TBCK: variants seen among roughly 807,000 people sequenced by gnomAD.
TBCK encodes TBC domain-containing protein kinase-like protein.
Under a neutral mutation model 113.4 loss-of-function variants are expected in TBCK, and 99 were observed. That is an observed-to-expected ratio of 0.87 (90% confidence interval 0.74 to 1.03). The LOEUF is 1.03. Ranked by LOEUF, TBCK falls within the 50% of genes least tolerant of loss-of-function variation. The pLI is 0.00. For synonymous variants in TBCK, 369 were observed against 370.8 expected (o/e 1.00, Z 0.05); for missense variants, 1,045 against 1,061.3 (o/e 0.98, Z 0.21).
intron 11 of TBCK, among the ~76,000 whole-genome samples, chr4:106,242,840 T>G (rs1222257109): frequency 6.6e-6 from 1 of 150,424 alleles, no homozygotes; most frequent in Non-Finnish European, 1.5e-5. Flanking sequence ...ATTAGGTATA[T>G]CTCCTAAAGC....
intron 23 of TBCK, among the ~76,000 whole-genome samples, chr4:106,145,496 T>G (rs1425787464): frequency 1.3e-5 from 2 of 152,310 alleles, no homozygotes; most frequent in Non-Finnish European, 2.9e-5. Flanking sequence ...CTTGGAGATA[T>G]GGAGGGTTCA....
At chr4:106,182,664 T>C (rs1030841960) in intron 22 of TBCK, 5 of 151,920 alleles carry the variant, frequency 3.3e-5, no homozygotes, top group Non-Finnish European at 5.9e-5. Context: ...TTATAATGTC[T>C]TATGACATCG....
intron 23 of TBCK, among the ~76,000 whole-genome samples, chr4:106,120,625 C>G (rs1321941942): frequency 2.6e-5 from 4 of 152,320 alleles, no homozygotes; most frequent in South Asian, 2.1e-4. Context: ...ATCTGAGAAC[C>G]AGCAGACTGT....
At chr4:106,135,484 A>T (rs1746450357) in intron 23 of TBCK, among the ~76,000 whole-genome samples, 1 of 97,524 alleles carries the variant, frequency 1.0e-5, no homozygotes, top group Non-Finnish European at 2.6e-5. Flanking sequence ...CCATGTATGG[A>T]ACCAAAGGTG....
chr4:106,093,576 C>T (rs1370162255), intron 25 of TBCK, among the ~76,000 whole-genome samples: 2 of 152,124 alleles, frequency 1.3e-5, no homozygotes, highest in African/African-American at 2.4e-5. Context: ...TTGTTGGATG[C>T]TTAAAATGGT....
intron 23 of TBCK, among the ~76,000 whole-genome samples, chr4:106,138,080 A>G (rs1579019316): frequency 1.4e-5 from 2 of 141,592 alleles, no homozygotes; most frequent in East Asian, 4.0e-4. Context: ...CAAAGATGGC[A>G]TATATACTTA....
At chr4:106,269,926 G>A (rs907774193) in intron 3 of TBCK, among the ~76,000 whole-genome samples, 4 of 152,218 alleles carry the variant, frequency 2.6e-5, no homozygotes, top group Middle Eastern at 3.4e-3. Context: ...AAAGCCAGGA[G>A]GCTCTGTCAC....
chr4:106,175,960 C>G (rs1751615183), intron 22 of TBCK, among the ~76,000 whole-genome samples: 2 of 152,032 alleles, frequency 1.3e-5, no homozygotes, highest in African/African-American at 4.8e-5. Context: ...TGACTAGGGT[C>G]CAAACTTTGC....
At position 106,298,662 on chromosome 4, in the gene TBCK, G is replaced by T. The variant is rs114899199; in HGVS notation, c.194-3496C>A. 1.5e-3 allele frequency among the ~76,000 whole-genome samples: 231 copies of T among 152,110 alleles called. 1 individual carries two copies. Among genetic ancestry groups the T allele is most frequent in the African/African-American group, 5.4e-3 (225 of 41,502 alleles). ...AAGTGCTTCCTTCAAGTGAAAAGGT[G>T]AAAGTTCTCGACTTGATAAGGAAAG... On this transcript the variant is annotated intron_variant, in intron 2 of 25. Transcript: ENST00000394708.
At chr4:106,231,624 G>A (rs898403832) in intron 18 of TBCK, 105 bp downstream of exon 18, 9 of 933,496 alleles carry the variant, frequency 9.6e-6, no homozygotes, top group Non-Finnish European at 1.5e-5. Flanking sequence ...AAATCTACCA[G>A]GGAGAGAATA....
chr4:106,295,434 G>C lies in TBCK; in HGVS notation c.194-268C>G, dbSNP rs903234165. 5.9e-5 allele frequency among the ~76,000 whole-genome samples: 9 copies of C among 151,866 alleles called. 2 individuals carry two copies. The highest frequency in any genetic ancestry group is 5.9e-4 in the Admixed American group (9 of 15,258). The stretch of plus-strand genomic sequence containing the variant: ...AAAAATAGGTGGAAAGACTGTCCTT[G>C]GGGAAAAAAATAACTCACCCTTCTT... On this transcript the variant is annotated intron_variant, in intron 2 of 25. Coordinates refer to ENST00000394708, the MANE Select transcript of TBCK (RefSeq NM_001163435.3).
In TBCK at chr4:106,046,013, A is replaced by G. The variant is rs1267371416; in HGVS notation, c.*557T>C. On this transcript the variant is annotated 3_prime_UTR_variant, in exon 26 of 26. Coordinates refer to ENST00000394708, the MANE Select transcript of TBCK (RefSeq NM_001163435.3). ...AAATTTCATTTTTCTGGGAGTAAGTATTACCACTTTCTGCAATGGGATAAA... is the reference window on the plus strand; with the variant it reads ...AAATTTCATTTTTCTGGGAGTAAGTGTTACCACTTTCTGCAATGGGATAAA... 1 of 152,164 alleles carries G rather than the reference A, an allele frequency of 6.6e-6. No homozygotes were observed. The highest frequency in any genetic ancestry group is 2.4e-5 in the African/African-American group (1 of 41,394). 9.4% of individuals were successfully genotyped at this position (152,164 alleles called of 1,614,324 possible). A position where few individuals can be genotyped will look rare whatever the true frequency, so the allele number is the denominator to read the frequency against.
At position 106,233,039 on chromosome 4, in the gene TBCK, T is replaced by A. The variant is rs1759044725; in HGVS notation, c.1538A>T (p.His513Leu). 6.2e-7 allele frequency: 1 copy of A among 1,611,858 alleles called. No homozygotes were observed. Among genetic ancestry groups the A allele is most frequent in the Non-Finnish European group, 8.5e-7 (1 of 1,178,554 alleles). ...RQIEVDIPRC[H>L]QYDELLSSPE... is the part of the protein sequence containing the mutation. ...TGATGATAACAGTTCATCGTACTGA[T>A]GACAGCGAGGAATATCCACTTCAAT... is the stretch of plus-strand genomic sequence containing the variant. The change falls in exon 17 of 26, where the codon CAT (histidine) becomes CTT (leucine). Residue 513 changes from histidine to leucine, a missense_variant. Physicochemically the swap from His to Leu is moderately conservative, Grantham distance 99. Coordinates refer to ENST00000394708, the MANE Select transcript of TBCK (RefSeq NM_001163435.3).
chr4:106,070,232 A>C (rs1737227205), intron 25 of TBCK, among the ~76,000 whole-genome samples: 1 of 152,150 alleles, frequency 6.6e-6, no homozygotes, highest in Non-Finnish European at 1.5e-5. Flanking sequence ...TTTCAAAGGG[A>C]AGGCTTCCAG....
Position 106,308,891 on chromosome 4 carries a change from A to G in TBCK, c.70T>C (p.Cys24Arg). 1 of 1,614,186 alleles carries G rather than the reference A, an allele frequency of 6.2e-7. No individual in the cohort carries two copies. The highest frequency in any genetic ancestry group is 8.5e-7 in the Non-Finnish European group (1 of 1,180,020). Residue 24 changes from cysteine (C) to arginine (R), a missense_variant, in exon 2 of 26, where the codon TGT (cysteine) becomes CGT (arginine). Cys to Arg is a radical substitution (Grantham distance 180, BLOSUM62 -3). Transcript: ENST00000394708. ...FFASALPHDVCGSNGLPLTPN... is the reference protein window; with the variant it reads ...FFASALPHDVRGSNGLPLTPN... Reference sequence around the variant, plus strand: ...GTGAGAGGAAGTCCATTGCTTCCACAAACATCATGTGGCAGAGCCGAGGCA... The same window carrying G: ...GTGAGAGGAAGTCCATTGCTTCCACGAACATCATGTGGCAGAGCCGAGGCA...
At chr4:106,248,621 G>A (rs894375113) in intron 8 of TBCK, among the ~76,000 whole-genome samples, 15 of 152,094 alleles carry the variant, frequency 9.9e-5, no homozygotes, top group Non-Finnish European at 2.1e-4. Context: ...TAAGAGGTGA[G>A]GCCTTTAAGA....
At chr4:106,299,604 C>T (rs1766705020) in intron 2 of TBCK, among the ~76,000 whole-genome samples, 3 of 152,132 alleles carry the variant, frequency 2.0e-5, no homozygotes, top group Admixed American at 2.0e-4. Context: ...AAGTTTCTCC[C>T]AGAGATAATG....
In TBCK at chr4:106,308,763, C is replaced by T; in HGVS notation, c.193+5G>A. Reference sequence around the variant, plus strand: ...ATAAATAGGAAAAAAAAGAAAATAACTTACCATGCTTTCCCCTAGAAATAT... The same window carrying T: ...ATAAATAGGAAAAAAAAGAAAATAATTTACCATGCTTTCCCCTAGAAATAT... On this transcript the variant is annotated splice_donor_5th_base_variant and intron_variant, in intron 2 of 25. Coordinates refer to ENST00000394708, the MANE Select transcript of TBCK (RefSeq NM_001163435.3). 1 of 1,602,244 alleles carries T rather than the reference C, an allele frequency of 6.2e-7. No individual in the cohort carries two copies. The highest frequency in any genetic ancestry group is 8.5e-7 in the Non-Finnish European group (1 of 1,176,514).
chr4:106,136,736 T>G (rs1216001288), intron 23 of TBCK, among the ~76,000 whole-genome samples: 2 of 141,084 alleles, frequency 1.4e-5, no homozygotes, highest in Non-Finnish European at 3.2e-5. Flanking sequence ...AATCAAAGTT[T>G]CTCAGGTTTA....
Sources: gnomAD v4.1 joint callset for allele counts (sites outside exome capture counted in the v4.1 genomes callset) on GRCh38, gnomAD v4.1.1 for gene constraint, MANE v1.5 for transcripts, NCBI Gene and HGNC (gene_info 2026-07-23, HGNC 2026-07-21) for gene names.